The following CNBD2 variants were observed in gnomAD, a reference collection of about 807,000 sequenced individuals.
CNBD2 encodes the protein cyclic nucleotide binding domain containing 2, also known as cyclic nucleotide-binding domain-containing protein 2.
A neutral mutation model predicts 63.7 loss-of-function variants in CNBD2; 64 were observed. The observed-to-expected ratio is 1.00, with a 90% CI of 0.82 to 1.24. CNBD2 has a LOEUF of 1.24. CNBD2 is among the 50% of genes most tolerant of loss of function. The pLI, the probability that CNBD2 is intolerant of heterozygous loss-of-function variation, is 0.00. For synonymous variants in CNBD2, 229 were observed against 255.4 expected (o/e 0.90, Z 0.99); for missense variants, 691 against 713.5 (o/e 0.97, Z 0.36).
downstream of CNBD2, chr20:35,959,179 T>TATATA (rs1463836308): frequency 6.6e-6 from 1 of 152,214 alleles, no homozygotes; most frequent in Non-Finnish European, 1.5e-5. Context: ...AGGAGAAATA[T>TATATA]ATATAAGGGA....
chr20:36,023,931 A>G (rs6119692), intron 11 of CNBD2, among the ~76,000 whole-genome samples, 160 bp downstream of exon 11: 2,679 of 152,136 alleles, frequency 0.018, 75 homozygotes, highest in African/African-American at 0.061. Context: ...TCCTTTTGAT[A>G]ATAATTTTAG....
In CNBD2 at chr20:36,005,045, A is replaced by T. The variant is rs562949218; in HGVS notation, c.971-3252A>T. On this transcript the variant is annotated intron_variant, in intron 8 of 11. Transcript: ENST00000373973. The stretch of plus-strand genomic sequence containing the variant: ...ATCATAATTAATTTAATTACCTTTT[A>T]CAGATATTTTGAATTCTTTTTCAAA... 7.9e-5 allele frequency among the ~76,000 whole-genome samples: 12 copies of T among 152,260 alleles called. No individual in the cohort carries two copies. The East Asian group carries it at 2.3e-3, about 29-fold the overall frequency.
rs142929392 is a variant in CNBD2, at chr20:35,987,462, G to C, written c.784G>C (p.Glu262Gln). The C allele has an allele frequency of 1.2e-6, 2 of 1,614,074 alleles. No individual in the cohort carries two copies. Among genetic ancestry groups the C allele is most frequent in the East Asian group, 2.2e-5 (1 of 44,898 alleles). Residue 262 changes from glutamate to glutamine, a missense_variant, in exon 7 of 12, where the codon GAG becomes CAG. Coordinates refer to ENST00000373973, the MANE Select transcript of CNBD2 (RefSeq NM_001365709.1). ...GCAGCTGGTAGCCATGGCGAAGATA[G>C]AGAGGTTCTCGTATGGGCAGCTGAT... ...LWQLVAMAKI[E>Q]RFSYGQLISK...
chr20:35,968,949 G>T, intron 1 of CNBD2, 136 bp downstream of exon 1: 1 of 648,646 alleles, frequency 1.5e-6, no homozygotes. Flanking sequence ...TCACAGCATG[G>T]CACAAAGGAG....
At chr20:35,980,721 T>A in intron 4 of CNBD2, 99 bp downstream of exon 4, 2 of 1,108,152 alleles carry the variant, frequency 1.8e-6, no homozygotes, top group Non-Finnish European at 1.3e-6. Context: ...CCCCTCTGCA[T>A]AATGTCAGCC....
Position 36,008,282 on chromosome 20 carries a change from TG to T in CNBD2, c.971-14del. The T allele has an allele frequency of 6.3e-7, 1 of 1,592,510 alleles. No individual in the cohort carries two copies. Among genetic ancestry groups the T allele is most frequent in the Non-Finnish European group, 8.5e-7 (1 of 1,170,154 alleles). On this transcript the variant is annotated splice_polypyrimidine_tract_variant and intron_variant, in intron 8 of 11. Transcript: ENST00000373973. ...AAAGATCCATAAGTATCTTTTCCTG[TG>T]CTTTCTCTAACAGAATACTCTCCTA... is the stretch of plus-strand genomic sequence containing the variant.
rs1258702279 is a variant in CNBD2, at chr20:35,976,049, C to T, written c.243+47C>T. ...CTGTGGGGGAATTTTCTTTCTGCAC[C>T]CTGGCTTGGAAGAAACCCTGGCTGG... On this transcript the variant is annotated intron_variant, in intron 3 of 11. Coordinates refer to ENST00000373973, the MANE Select transcript of CNBD2 (RefSeq NM_001365709.1). 5 of 1,536,768 alleles carry T rather than the reference C, an allele frequency of 3.3e-6. No individual in the cohort carries two copies. The African/African-American group carries it at 6.8e-5, about 21-fold the overall frequency.
intron 8 of CNBD2, among the ~76,000 whole-genome samples, chr20:36,004,571 C>CTTT (rs534757185): frequency 6.9e-6 from 1 of 145,484 alleles, no homozygotes; most frequent in East Asian, 2.0e-4. Flanking sequence ...TATTCAATGT[C>CTTT]TTTTTTTTTT....
intron 2 of CNBD2, chr20:35,974,034 C>T (rs373672243): frequency 1.5e-4 from 23 of 152,510 alleles, no homozygotes; most frequent in East Asian, 3.9e-4. Context: ...AAGGGGGATA[C>T]GGGGCTGGTG....
chr20:35,954,488 C>T (rs762497207), upstream of CNBD2: 120 of 1,543,438 alleles, frequency 7.8e-5, no homozygotes, highest in Middle Eastern at 1.7e-4. Context: ...AAGCGAAAGT[C>T]TCTGGCTTCT....
At chr20:35,954,686 A>C, upstream of CNBD2, 1 of 1,167,258 alleles carries the variant, frequency 8.6e-7, no homozygotes, top group African/African-American at 1.6e-5. Context: ...GAGTCGGAGG[A>C]GGAGCCTGAA....
Position 36,030,632 on chromosome 20 carries a change from G to A in CNBD2, c.1715G>A (p.Arg572Gln), listed in dbSNP as rs758601858. ...QAIKAPRYKI[R>Q]ELLA is the part of the protein sequence containing the mutation. Reference sequence around the variant, plus strand: ...ATCAAAGCACCTCGGTACAAAATCCGAGAACTCTTGGCTTAGTGTAAGAGC... The same window carrying A: ...ATCAAAGCACCTCGGTACAAAATCCAAGAACTCTTGGCTTAGTGTAAGAGC... The change falls in exon 12 of 12, where the codon CGA (arginine) becomes CAA (glutamine). Residue 572 changes from arginine to glutamine, a missense_variant. By Grantham distance (43) the Arg-to-Gln change is conservative. Coordinates refer to ENST00000373973, the MANE Select transcript of CNBD2 (RefSeq NM_001365709.1). 15 of 1,614,012 alleles carry A rather than the reference G, an allele frequency of 9.3e-6. No homozygotes were observed. Among genetic ancestry groups the A allele is most frequent in the Admixed American group, 1.7e-5 (1 of 59,990 alleles).
At chr20:36,011,930 G>T (rs2057066810) in intron 10 of CNBD2, among the ~76,000 whole-genome samples, 1 of 151,982 alleles carries the variant, frequency 6.6e-6, no homozygotes, top group Non-Finnish European at 1.5e-5. Context: ...GGCTGAAGCG[G>T]GCGAATCACT....
Position 35,984,581 on chromosome 20 carries a change from A to T in CNBD2, c.565-46A>T, listed in dbSNP as rs774182598. The T allele has an allele frequency of 5.0e-6, 8 of 1,600,364 alleles. No individual in the cohort carries two copies. In the East Asian group the frequency reaches 8.9e-5, roughly 18 times the overall value. On this transcript the variant is annotated intron_variant, in intron 5 of 11. Transcript: ENST00000373973. Reference sequence around the variant, plus strand: ...AGATGTGTGTAAGGCTGAGGACAGGAAGTGGAGGTGGCCTCACACTTGCCC... The same window carrying T: ...AGATGTGTGTAAGGCTGAGGACAGGTAGTGGAGGTGGCCTCACACTTGCCC...
chr20:35,964,623 CT>C (rs1441363297), upstream of CNBD2, among the ~76,000 whole-genome samples: 5 of 151,208 alleles, frequency 3.3e-5, no homozygotes. Context: ...TCTCGATCTC[CT>C]GACCTCGTGA....
intron 7 of CNBD2, among the ~76,000 whole-genome samples, chr20:35,991,956 C>T (rs2056752545): frequency 6.6e-6 from 1 of 152,084 alleles, no homozygotes; most frequent in African/African-American, 2.4e-5. Flanking sequence ...TCTTGGCTCA[C>T]TGCAACCTCC....
intron 3 of CNBD2, 151 bp from the exon 4 acceptor site, chr20:35,980,308 C>G: frequency 1.5e-6 from 1 of 665,662 alleles, no homozygotes; most frequent in South Asian, 1.9e-5. Context: ...AAATGTTTAT[C>G]CCAGTGCCTG....
chr20:35,989,153 T>C (rs2056708550), intron 7 of CNBD2, among the ~76,000 whole-genome samples: 5 of 152,192 alleles, frequency 3.3e-5, no homozygotes, highest in Admixed American at 3.3e-4. Flanking sequence ...GAAGTGGTTA[T>C]CCAAGGTCAC....
chr20:35,958,016 G>A (rs895336784), downstream of CNBD2, among the ~76,000 whole-genome samples: 1 of 152,236 alleles, frequency 6.6e-6, no homozygotes, highest in Non-Finnish European at 1.5e-5. Flanking sequence ...ATGAGTCCCA[G>A]ACTCTTTCAG....
Sources: allele counts gnomAD v4.1 joint callset (sites outside exome capture counted in the v4.1 genomes callset), GRCh38; gene constraint gnomAD v4.1.1; transcripts MANE v1.5; gene names NCBI Gene and HGNC (gene_info 2026-07-23, HGNC 2026-07-21).